The following HAT1 variants were observed in gnomAD, a reference collection of about 807,000 sequenced individuals.
HAT1 encodes histone acetyltransferase type B catalytic subunit.
In HAT1, 20 loss-of-function variants were observed where a neutral mutation model predicts 56.6. The ratio of observed to expected loss-of-function variants is 0.35; its 90% confidence interval spans 0.25 to 0.51. The LOEUF (loss-of-function observed/expected upper bound fraction) is 0.51, where lower values mean the gene tolerates loss of function less well. Among genes scored for constraint, HAT1 ranks in the 20% least tolerant of loss-of-function variants. HAT1 has a pLI of 0.95. For synonymous variants in HAT1, 146 were observed against 165.5 expected, an observed-to-expected ratio of 0.88 and a Z score of 0.91; for missense variants, 408 against 504.3, an observed-to-expected ratio of 0.81 and a Z score of 1.83.
At chr2:171,948,766 A>T (rs1190802284) in intron 3 of HAT1, among the ~76,000 whole-genome samples, 1 of 152,158 alleles carries the variant, frequency 6.6e-6, no homozygotes, top group East Asian at 1.9e-4. Context: ...GATTAATTTG[A>T]TTGGTTTATT....
At chr2:171,922,990 C>G in intron 1 of HAT1, 1 of 157,554 alleles carries the variant, frequency 6.3e-6, no homozygotes, top group Non-Finnish European at 1.4e-5. Context: ...TGCTCTGGCG[C>G]TCCCACTTGG....
Position 171,979,364 on chromosome 2 carries a change from G to A in HAT1, c.1092+1G>A. The stretch of plus-strand genomic sequence containing the variant: ...AAGAAGACTAATTAGCCCATATAAG[G>A]TAGGACTTTCAAGAATCTTAAACAC... On this transcript the variant is annotated splice_donor_variant, in intron 10 of 10. Coordinates refer to ENST00000264108, the MANE Select transcript of HAT1 (RefSeq NM_003642.4). LOFTEE classifies it high-confidence loss of function. The A allele has an allele frequency of 7.1e-7, 1 of 1,400,118 alleles. No individual in the cohort carries two copies. Among genetic ancestry groups the A allele is most frequent in the Non-Finnish European group, 1.0e-6 (1 of 984,760 alleles). The allele number at this position is 1,400,118 out of a possible 1,614,324, so 86.7% of individuals were successfully genotyped here.
chr2:171,929,477 T>A (rs1686683412), intron 2 of HAT1, among the ~76,000 whole-genome samples: 1 of 152,198 alleles, frequency 6.6e-6, no homozygotes, highest in African/African-American at 2.4e-5. Flanking sequence ...TTTAATCATG[T>A]CCAGTTTATT....
chr2:171,953,711 C>T (rs886501354), intron 4 of HAT1, among the ~76,000 whole-genome samples: 15 of 146,330 alleles, frequency 1.0e-4, no homozygotes, highest in Non-Finnish European at 1.9e-4. Flanking sequence ...ATCACATTCT[C>T]AGGCTGGGTG....
At chr2:171,938,024 T>TTCTC (rs374402453) in intron 2 of HAT1, among the ~76,000 whole-genome samples, 9,324 of 104,366 alleles carry the variant, frequency 0.089, 607 homozygotes, top group East Asian at 0.12. Flanking sequence ...TGTCTACTGA[T>TTCTC]TCTCTCTCTC....
chr2:171,928,107 A>C (rs965964959), intron 2 of HAT1, among the ~76,000 whole-genome samples: 2 of 149,174 alleles, frequency 1.3e-5, no homozygotes, highest in African/African-American at 5.0e-5. Flanking sequence ...CTGGTCTCGA[A>C]CTCCTGACCT....
At chr2:171,953,052 A>AATAGGTTTTAGGCCAGGTGCG (rs1462205231) in intron 4 of HAT1, 51 bp downstream of exon 4, 1 of 1,405,168 alleles carries the variant, frequency 7.1e-7, no homozygotes, top group Non-Finnish European at 9.8e-7. Flanking sequence ...TTTATTTTAA[A>AATAGGTTTTAGGCCAGGTGCG]ATAGGTTTTA....
At chr2:171,970,580 T>C (rs60315614) in intron 8 of HAT1, among the ~76,000 whole-genome samples, 28,847 of 126,748 alleles carry the variant, frequency 0.23, 3,950 homozygotes, top group African/African-American at 0.38. Context: ...AGTGCAGTGG[T>C]GCGATCTTGG....
chr2:171,952,926 T>C lies in HAT1; in HGVS notation c.234T>C (p.Tyr78=). 6.3e-7 allele frequency: 1 copy of C among 1,592,006 alleles called. No homozygotes were observed. Among genetic ancestry groups the C allele is most frequent in the Non-Finnish European group, 8.6e-7 (1 of 1,160,430 alleles). Residue 78 remains tyrosine (Y), a synonymous_variant, in exon 4 of 11, where the codon TAT becomes TAC. Transcript: ENST00000264108. ...GYKGLKILLY[Y]IAGSLSTMFR... ...AGGGTCTAAAGATCCTGTTATACTA[T>C]ATTGCTGGTAGCCTGTCAACAATGT...
Position 171,983,420 on chromosome 2 carries a change from CT to C in HAT1, c.*71del, listed in dbSNP as rs1688183929. On this transcript the variant is annotated 3_prime_UTR_variant, in exon 11 of 11. Coordinates refer to ENST00000264108, the MANE Select transcript of HAT1 (RefSeq NM_003642.4). ...CAATGTGCTGTGAAAAATCTGATGA[CT>C]TTAATTTTAAAATCTTGTGACATTT... 2 of 756,908 alleles carry C rather than the reference CT, an allele frequency of 2.6e-6. No individual in the cohort carries two copies. Among genetic ancestry groups the C allele is most frequent in the Admixed American group, 5.8e-5 (2 of 34,696 alleles). 46.9% of individuals were successfully genotyped at this position (756,908 alleles called of 1,614,324 possible).
chr2:171,955,282 T>A (rs1687410610), intron 4 of HAT1, among the ~76,000 whole-genome samples: 1 of 152,140 alleles, frequency 6.6e-6, no homozygotes, highest in Non-Finnish European at 1.5e-5. Context: ...AAGCATAGAT[T>A]ACCTTGAATG....
chr2:171,938,218 ACT>A (rs1411689818), intron 2 of HAT1, among the ~76,000 whole-genome samples: 1 of 152,102 alleles, frequency 6.6e-6, no homozygotes, highest in African/African-American at 2.4e-5. Context: ...ACATAGCAAG[ACT>A]CTGTCTCTAC....
Position 171,977,549 on chromosome 2 carries a change from ATATATATATTTT to A in HAT1, c.975+1243_975+1254del, listed in dbSNP as rs1348527117. ...AATATATATATATATATATATATAT[ATATATATATTTT>A]TTTTTTTTTTTTTTTTTTAATGGTG... On this transcript the variant is annotated intron_variant, in intron 9 of 10. Coordinates refer to ENST00000264108, the MANE Select transcript of HAT1 (RefSeq NM_003642.4). Among the ~76,000 whole-genome samples, 6 of 14,146 alleles carry A rather than the reference ATATATATATTTT, an allele frequency of 4.2e-4. No individual in the cohort carries two copies. The East Asian group carries it at 6.3e-3, about 15-fold the overall frequency. The allele number at this position is 14,146 out of a possible 152,430, so 9.3% of individuals were successfully genotyped here.
chr2:171,971,429 G>A (rs191204589), intron 8 of HAT1, among the ~76,000 whole-genome samples: 18 of 152,214 alleles, frequency 1.2e-4, no homozygotes, highest in Admixed American at 1.1e-3. Context: ...CCCTACACCC[G>A]ACGTCCATTG....
At chr2:171,974,376 G>A (rs1339190972) in intron 8 of HAT1, among the ~76,000 whole-genome samples, 1 of 151,828 alleles carries the variant, frequency 6.6e-6, no homozygotes, top group Non-Finnish European at 1.5e-5. Flanking sequence ...TTTGTTTTTG[G>A]ATCATTGATT....
chr2:171,983,130 C>G (rs961501551), intron 10 of HAT1, 55 bp from the exon 11 acceptor site: 6 of 1,064,536 alleles, frequency 5.6e-6, no homozygotes, highest in Non-Finnish European at 8.1e-6. Flanking sequence ...AATTGTAAGA[C>G]TATAAGGAAA....
intron 2 of HAT1, among the ~76,000 whole-genome samples, chr2:171,927,581 A>T (rs888591078): frequency 2.6e-5 from 4 of 152,092 alleles, no homozygotes; most frequent in Admixed American, 6.5e-5. Flanking sequence ...TTCTTTTAGT[A>T]GGAAATGTTA....
intron 3 of HAT1, among the ~76,000 whole-genome samples, chr2:171,951,237 C>T (rs1687299746): frequency 6.6e-6 from 1 of 152,136 alleles, no homozygotes; most frequent in Admixed American, 6.5e-5. Context: ...TCTTATTATA[C>T]ATAGATTAAT....
intron 9 of HAT1, among the ~76,000 whole-genome samples, chr2:171,979,030 G>T (rs1262552011): frequency 6.6e-6 from 1 of 151,990 alleles, no homozygotes; most frequent in African/African-American, 2.4e-5. Flanking sequence ...GGTTGAGGCT[G>T]CAGTGAACTA....
Sources: gnomAD v4.1 joint callset for allele counts (sites outside exome capture counted in the v4.1 genomes callset) on GRCh38, gnomAD v4.1.1 for gene constraint, MANE v1.5 for transcripts, NCBI Gene and HGNC (gene_info 2026-07-23, HGNC 2026-07-21) for gene names.